ZC2HC1A: variants seen among roughly 807,000 people sequenced by gnomAD.
ZC2HC1A encodes zinc finger C2HC domain-containing protein 1A.
A neutral mutation model predicts 40.7 loss-of-function variants in ZC2HC1A; 28 were observed. The observed-to-expected ratio is 0.69, with a 90% CI of 0.51 to 0.94. The LOEUF is 0.94. ZC2HC1A is among the 40% of genes least tolerant of loss of function. The probability of loss-of-function intolerance (pLI) is 0.00; values close to 1 mark genes in which losing one functional copy is unlikely to be tolerated. For synonymous variants in ZC2HC1A, 129 were observed against 129.2 expected, an observed-to-expected ratio of 1.00 and a Z score of 0.01; for missense variants, 389 against 386.3, an observed-to-expected ratio of 1.01 and a Z score of -0.06.
intron 3 of ZC2HC1A, among the ~76,000 whole-genome samples, chr8:78,685,202 T>TG (rs1314680430): frequency 6.6e-6 from 1 of 152,100 alleles, no homozygotes; most frequent in Non-Finnish European, 1.5e-5. Context: ...TCAATTCTGT[T>TG]GTGGGGGGAC....
At chr8:78,674,076 G>A (rs868183394) in intron 1 of ZC2HC1A, among the ~76,000 whole-genome samples, 3 of 152,050 alleles carry the variant, frequency 2.0e-5, no homozygotes, top group Non-Finnish European at 1.5e-5. Flanking sequence ...ATGAAAAATA[G>A]GAGTTGATTT....
At position 78,717,821 on chromosome 8, in the gene ZC2HC1A, C is replaced by G. The variant is rs551763872; in HGVS notation, c.*328C>G. ...CACGTTAAGTACATTTCCACAAACT[C>G]TCATACTCTAGTGCTTAGCCCTTCA... On this transcript the variant is annotated 3_prime_UTR_variant, in exon 9 of 9. Transcript: ENST00000263849. 4.0e-5 allele frequency: 7 copies of G among 174,136 alleles called. No homozygotes were observed. The East Asian group carries it at 9.2e-4, about 23-fold the overall frequency. The allele number at this position is 174,136 out of a possible 1,614,324, so 10.8% of individuals were successfully genotyped here. A position where few individuals can be genotyped will look rare whatever the true frequency, so the allele number is the denominator to read the frequency against.
At chr8:78,706,344 A>G (rs1036754970) in intron 7 of ZC2HC1A, among the ~76,000 whole-genome samples, 1 of 152,078 alleles carries the variant, frequency 6.6e-6, no homozygotes, top group Non-Finnish European at 1.5e-5. Flanking sequence ...CTGGAGTTGC[A>G]GTTACTTTTG....
intron 8 of ZC2HC1A, among the ~76,000 whole-genome samples, chr8:78,716,159 G>T (rs1313378964): frequency 6.7e-6 from 1 of 149,366 alleles, no homozygotes; most frequent in African/African-American, 2.5e-5. Context: ...GTCTCGCTCT[G>T]TCGCTCAGGC....
intron 7 of ZC2HC1A, among the ~76,000 whole-genome samples, chr8:78,707,606 A>G (rs1166569810): frequency 6.6e-6 from 1 of 152,244 alleles, no homozygotes; most frequent in Non-Finnish European, 1.5e-5. Flanking sequence ...GATGAATGCC[A>G]TGAAGAATAC....
At chr8:78,697,824 G>C (rs938189669) in intron 6 of ZC2HC1A, among the ~76,000 whole-genome samples, 1 of 151,744 alleles carries the variant, frequency 6.6e-6, no homozygotes, top group East Asian at 1.9e-4. Flanking sequence ...GACTATAGGC[G>C]GGTGCCACCA....
chr8:78,685,742 C>T (rs546786428), intron 3 of ZC2HC1A: 2 of 152,236 alleles, frequency 1.3e-5, no homozygotes, highest in South Asian at 2.1e-4. Context: ...TATTTCTAAT[C>T]GGTTCAAAAC....
At position 78,675,837 on chromosome 8, in the gene ZC2HC1A, G is replaced by C. The variant is rs1437169014; in HGVS notation, c.67G>C (p.Gly23Arg). 3 of 1,611,014 alleles carry C rather than the reference G, an allele frequency of 1.9e-6. No individual in the cohort carries two copies. The Admixed American group carries it at 5.0e-5, about 27-fold the overall frequency. The change falls in exon 2 of 9, where the codon GGA (glycine) becomes CGA (arginine). Residue 23 changes from glycine (G) to arginine (R), a missense_variant. By Grantham distance (125) the Gly-to-Arg change is moderately radical (BLOSUM62 -2). Coordinates refer to ENST00000263849, the MANE Select transcript of ZC2HC1A (RefSeq NM_016010.3). ...VGELLPCKIC[G>R]RTFFPVALKK... ...AGAATTGTTACCTTGCAAGATTTGT[G>C]GAAGAACATTCTTTCCAGTAGCATT... is the stretch of plus-strand genomic sequence containing the variant.
At chr8:78,701,034 C>A (rs1810586116) in intron 7 of ZC2HC1A, among the ~76,000 whole-genome samples, 1 of 152,124 alleles carries the variant, frequency 6.6e-6, no homozygotes, top group Non-Finnish European at 1.5e-5. Context: ...TGAAGAATGT[C>A]ACTGATAGTT....
chr8:78,705,100 C>G (rs1309756431), intron 7 of ZC2HC1A, among the ~76,000 whole-genome samples: 1 of 152,208 alleles, frequency 6.6e-6, no homozygotes, highest in East Asian at 1.9e-4. Flanking sequence ...CTGCTTCTTT[C>G]ATTTCAGCTG....
At chr8:78,699,936 G>C (rs1810547427) in intron 7 of ZC2HC1A, among the ~76,000 whole-genome samples, 1 of 152,060 alleles carries the variant, frequency 6.6e-6, no homozygotes, top group South Asian at 2.1e-4. Flanking sequence ...ACATATGTGT[G>C]TGTCTTTATA....
chr8:78,717,402 T>TA lies in ZC2HC1A; in HGVS notation c.888dup (p.Pro297ThrfsTer6). 3 of 1,613,586 alleles carry TA rather than the reference T, an allele frequency of 1.9e-6. No homozygotes were observed. Among genetic ancestry groups the TA allele is most frequent in the Non-Finnish European group, 2.5e-6 (3 of 1,179,864 alleles). The stretch of plus-strand genomic sequence containing the variant: ...ATTGAAGGACATTCACCTGGAAACT[T>TA]ACCAAAATTCTGCCATGAGTGTGGG... On this transcript the variant is annotated frameshift_variant, in exon 9 of 9. Coordinates refer to ENST00000263849, the MANE Select transcript of ZC2HC1A (RefSeq NM_016010.3). LOFTEE classifies it high-confidence loss of function.
chr8:78,687,768 CATT>C lies in ZC2HC1A; in HGVS notation c.352+1163_352+1165del, dbSNP rs1230336311. On this transcript the variant is annotated intron_variant, in intron 4 of 8. Coordinates refer to ENST00000263849, the MANE Select transcript of ZC2HC1A (RefSeq NM_016010.3). ...ATACATTATATATATTTACGTAAGA[CATT>C]ATATATATATTTACGTAATACATTA... Among the ~76,000 whole-genome samples, 5 of 56,998 alleles carry C rather than the reference CATT, an allele frequency of 8.8e-5. 1 individual carries two copies. Among genetic ancestry groups the C allele is most frequent in the African/African-American group, 2.4e-4 (4 of 16,882 alleles). 37.4% of individuals were successfully genotyped at this position (56,998 alleles called of 152,430 possible).
chr8:78,697,653 G>T, intron 6 of ZC2HC1A, 147 bp downstream of exon 6: 8 of 539,902 alleles, frequency 1.5e-5, no homozygotes, highest in Admixed American at 4.2e-5. Context: ...TTTAAAATAA[G>T]ATAACTTTGA....
At position 78,666,277 on chromosome 8, in the gene ZC2HC1A, C is replaced by G. The variant is rs911554233; in HGVS notation, c.16+113C>G. 1.4e-5 allele frequency: 21 copies of G among 1,483,540 alleles called. No homozygotes were observed. The South Asian group carries it at 2.1e-4, about 15-fold the overall frequency. 91.9% of individuals were successfully genotyped at this position (1,483,540 alleles called of 1,614,324 possible). A position where few individuals can be genotyped will look rare whatever the true frequency, so the allele number is the denominator to read the frequency against. ...GCTGGTTCGGTGCGGCGGACCTCGCCGCGTCCCGCCGCGCCTCCGGAGGCT... is the reference window on the plus strand; with the variant it reads ...GCTGGTTCGGTGCGGCGGACCTCGCGGCGTCCCGCCGCGCCTCCGGAGGCT... On this transcript the variant is annotated intron_variant, in intron 1 of 8. Coordinates refer to ENST00000263849, the MANE Select transcript of ZC2HC1A (RefSeq NM_016010.3).
chr8:78,693,572 T>C (rs1046956089), intron 5 of ZC2HC1A, among the ~76,000 whole-genome samples: 4 of 152,134 alleles, frequency 2.6e-5, no homozygotes, highest in Admixed American at 2.0e-4. Context: ...CACTTTTTGA[T>C]GGGGTTGTTT....
chr8:78,675,004 T>G (rs772241004), intron 1 of ZC2HC1A, among the ~76,000 whole-genome samples: 2 of 152,024 alleles, frequency 1.3e-5, no homozygotes, highest in African/African-American at 2.4e-5. Flanking sequence ...GTTTGATATT[T>G]GGAAATAAAA....
intron 7 of ZC2HC1A, among the ~76,000 whole-genome samples, chr8:78,708,906 T>G (rs925919485): frequency 1.9e-4 from 29 of 152,236 alleles, no homozygotes; most frequent in African/African-American, 7.0e-4. Context: ...CCTCAAGTGA[T>G]CCATCCACCT....
intron 1 of ZC2HC1A, among the ~76,000 whole-genome samples, chr8:78,672,070 G>A (rs935432484): frequency 7.2e-5 from 11 of 152,094 alleles, no homozygotes; most frequent in African/African-American, 2.7e-4. Flanking sequence ...CAGAGCTGGG[G>A]ACTTGAAGTT....
Sources: gnomAD v4.1 joint callset for allele counts (sites outside exome capture counted in the v4.1 genomes callset) on GRCh38, gnomAD v4.1.1 for gene constraint, MANE v1.5 for transcripts, NCBI Gene and HGNC (gene_info 2026-07-23, HGNC 2026-07-21) for gene names.